CCSER1: variants seen among roughly 807,000 people sequenced by gnomAD.
The protein encoded by CCSER1 is coiled-coil serine rich protein 1.
CCSER1 carries 41 observed loss-of-function variants against 82.0 expected under a neutral mutation model. That is an observed-to-expected ratio of 0.50 (90% CI 0.39 to 0.65). The LOEUF (loss-of-function observed/expected upper bound fraction) is 0.65. Among genes scored for constraint, CCSER1 ranks in the 30% least tolerant of loss-of-function variants. CCSER1 has a pLI of 0.00. For missense variants in CCSER1, 1,119 were observed against 1,064.2 expected (o/e 1.05, Z -0.72); for synonymous variants, 414 against 383.9 (o/e 1.08, Z -0.92).
intron 4 of CCSER1, among the ~76,000 whole-genome samples, chr4:90,456,152 T>A (rs1027119672): frequency 2.6e-5 from 4 of 152,104 alleles, no homozygotes; most frequent in Non-Finnish European, 5.9e-5. Context: ...CCCAAAAGAA[T>A]GATTTAAGTT....
chr4:91,444,444 T>G (rs1168343295), intron 10 of CCSER1, among the ~76,000 whole-genome samples: 1 of 107,542 alleles, frequency 9.3e-6, no homozygotes, highest in Non-Finnish European at 1.9e-5. Context: ...TTTTTTAAAG[T>G]GCCAATTCTT....
chr4:90,992,917 A>G (rs1737168031), intron 9 of CCSER1, among the ~76,000 whole-genome samples: 1 of 152,016 alleles, frequency 6.6e-6, no homozygotes, highest in South Asian at 2.1e-4. Flanking sequence ...TTTAGAAGCA[A>G]GTCACAGATC....
chr4:91,514,039 C>A (rs552803135), intron 10 of CCSER1, among the ~76,000 whole-genome samples: 2 of 151,966 alleles, frequency 1.3e-5, no homozygotes, highest in Admixed American at 6.6e-5. Flanking sequence ...TTCCTCTATA[C>A]GTGTTGTTAG....
At chr4:90,542,102 G>A (rs1211848030) in intron 5 of CCSER1, among the ~76,000 whole-genome samples, 1 of 151,946 alleles carries the variant, frequency 6.6e-6, no homozygotes, top group Non-Finnish European at 1.5e-5. Context: ...ATAACAATTT[G>A]TTTGAAACTT....
intron 10 of CCSER1, among the ~76,000 whole-genome samples, chr4:91,398,061 A>AT (rs566885882): frequency 1.3e-5 from 2 of 151,828 alleles, no homozygotes; most frequent in Non-Finnish European, 1.5e-5. Flanking sequence ...ATGAGTAATT[A>AT]TTTTTTTTAA....
At chr4:90,151,445 TC>T (rs1208186343) in intron 1 of CCSER1, among the ~76,000 whole-genome samples, 2 of 152,222 alleles carry the variant, frequency 1.3e-5, no homozygotes, top group Middle Eastern at 3.4e-3. Context: ...CATTTGGGTG[TC>T]TTTCTTTGTA....
chr4:91,449,448 A>AT (rs945167109), intron 10 of CCSER1, among the ~76,000 whole-genome samples: 6 of 151,690 alleles, frequency 4.0e-5, no homozygotes, highest in South Asian at 4.1e-4. Context: ...AAATTGTGTC[A>AT]TTTTTTTTGG....
intron 10 of CCSER1, among the ~76,000 whole-genome samples, chr4:91,362,768 A>T (rs546050764): frequency 6.6e-6 from 1 of 151,902 alleles, no homozygotes; most frequent in East Asian, 1.9e-4. Context: ...TCTAAGACCT[A>T]GCTCAAATAT....
At position 90,398,403 on chromosome 4, in the gene CCSER1, A is replaced by T. The variant is rs1405818582; in HGVS notation, c.1510-1633A>T. 2.6e-5 allele frequency among the ~76,000 whole-genome samples: 4 copies of T among 152,338 alleles called. No homozygotes were observed. In the South Asian group the frequency reaches 8.3e-4, roughly 32 times the overall value. On this transcript the variant is annotated intron_variant, in intron 3 of 10. Coordinates refer to ENST00000509176, the MANE Select transcript of CCSER1 (RefSeq NM_001145065.2). ...TTTACCCCAATTAGAAATTGGATAA[A>T]TTAGTATCCTTTCACTATAAAATGT...
intron 8 of CCSER1, among the ~76,000 whole-genome samples, chr4:90,859,932 A>G (rs1047873452): frequency 6.6e-6 from 1 of 151,174 alleles, no homozygotes; most frequent in Non-Finnish European, 1.5e-5. Flanking sequence ...GTTGTATTTA[A>G]AAATTTGATA....
intron 4 of CCSER1, among the ~76,000 whole-genome samples, chr4:90,419,149 C>A (rs954700145): frequency 6.6e-6 from 1 of 151,964 alleles, no homozygotes; most frequent in African/African-American, 2.4e-5. Context: ...TCCAAATTTT[C>A]TATTACACTA....
chr4:90,643,822 AT>A (rs1235443580), intron 6 of CCSER1, among the ~76,000 whole-genome samples: 1 of 151,696 alleles, frequency 6.6e-6, no homozygotes, highest in Non-Finnish European at 1.5e-5. Flanking sequence ...GATTAAAAAA[AT>A]CATATAAATG....
intron 3 of CCSER1, among the ~76,000 whole-genome samples, chr4:90,364,323 C>T (rs915375384): frequency 6.6e-6 from 1 of 151,982 alleles, no homozygotes; most frequent in Non-Finnish European, 1.5e-5. Flanking sequence ...ACTGAATCCT[C>T]TTTATTCCAA....
At chr4:90,584,046 G>A (rs1781716312) in intron 5 of CCSER1, among the ~76,000 whole-genome samples, 1 of 151,740 alleles carries the variant, frequency 6.6e-6, no homozygotes, top group African/African-American at 2.4e-5. Context: ...TCTAAGCTGA[G>A]CACCAAGATC....
chr4:90,990,681 C>T (rs1265842576), intron 9 of CCSER1, among the ~76,000 whole-genome samples: 1 of 151,906 alleles, frequency 6.6e-6, no homozygotes, highest in Non-Finnish European at 1.5e-5. Flanking sequence ...GTAGAGCCCA[C>T]AAATCTGTAA....
intron 9 of CCSER1, among the ~76,000 whole-genome samples, chr4:91,077,558 G>A (rs1163575614): frequency 6.6e-6 from 1 of 152,146 alleles, no homozygotes; most frequent in African/African-American, 2.4e-5. Flanking sequence ...AAGAAGACGG[G>A]TGATTTCTGC....
In CCSER1 at chr4:91,493,354, ATATT is replaced by A. The variant is rs528285150; in HGVS notation, c.2218-105214_2218-105211del. On this transcript the variant is annotated intron_variant, in intron 10 of 10. Coordinates refer to ENST00000509176, the MANE Select transcript of CCSER1 (RefSeq NM_001145065.2). The stretch of plus-strand genomic sequence containing the variant: ...TAAATCTAAAATAGAAAGTCAATAA[ATATT>A]TATGTGTATTATTAATGGCTAGTGA... Among the ~76,000 whole-genome samples, 602 of 151,930 alleles carry A rather than the reference ATATT, an allele frequency of 4.0e-3. 2 individuals carry two copies. The highest frequency in any genetic ancestry group is 7.0e-3 in the Non-Finnish European group (474 of 67,812).
chr4:90,398,808 C>A (rs1415200110), intron 3 of CCSER1, among the ~76,000 whole-genome samples: 1 of 152,076 alleles, frequency 6.6e-6, no homozygotes, highest in Non-Finnish European at 1.5e-5. Context: ...ACCTTTCAAA[C>A]CATGGTATGT....
chr4:90,932,949 A>AG lies in CCSER1; in HGVS notation c.2172+9503dup, dbSNP rs1491169114. Among the ~76,000 whole-genome samples, 16 of 39,330 alleles carry AG rather than the reference A, an allele frequency of 4.1e-4. 3 individuals are homozygous for AG. Among genetic ancestry groups the AG allele is most frequent in the African/African-American group, 3.2e-3 (14 of 4,408 alleles). The allele number at this position is 39,330 out of a possible 152,430, so 25.8% of individuals were successfully genotyped here. ...AAGAAAGAAAGAAAGAAAGAAAGAA[A>AG]GAAAGAAAGAAAGAAAGAAAGAAAG... is the stretch of plus-strand genomic sequence containing the variant. On this transcript the variant is annotated intron_variant, in intron 9 of 10. Coordinates refer to ENST00000509176, the MANE Select transcript of CCSER1 (RefSeq NM_001145065.2).
Sources: allele counts gnomAD v4.1 joint callset (sites outside exome capture counted in the v4.1 genomes callset), GRCh38; gene constraint gnomAD v4.1.1; transcripts MANE v1.5; gene names NCBI Gene and HGNC (gene_info 2026-07-23, HGNC 2026-07-21).